NXN: variants seen among roughly 807,000 people sequenced by gnomAD.
NXN encodes nucleoredoxin 1.
In NXN, 16 loss-of-function variants were observed where a neutral mutation model predicts 48.6. The ratio of observed to expected loss-of-function variants is 0.33; its 90% confidence interval spans 0.22 to 0.50. NXN has a LOEUF of 0.50. Ranked by LOEUF, NXN falls within the 20% of genes least tolerant of loss-of-function variation. NXN has a pLI of 0.98. For missense variants in NXN, 492 were observed against 605.5 expected (o/e 0.81, Z 1.97); for synonymous variants, 281 against 269.6 (o/e 1.04, Z -0.41).
rs768904998 is a variant in NXN, at chr17:819,545, C to G, written c.714G>C (p.Arg238Ser). The G allele has an allele frequency of 6.3e-7, 1 of 1,590,056 alleles. No homozygotes were observed. The highest frequency in any genetic ancestry group is 8.6e-7 in the Non-Finnish European group (1 of 1,165,120). ...AGTACTGTTTGAAGGACTCCTCCGA[C>G]CTACAGAGAGACACACGTGGCGGGC... ...NFEIIFVSAD[R>S]SEESFKQYFS... Residue 238 changes from arginine to serine, a missense_variant and splice_region_variant, in exon 5 of 8, where the codon AGG (arginine) becomes AGC (serine). Arg to Ser is a moderately radical substitution (Grantham distance 110, BLOSUM62 -1). Coordinates refer to ENST00000336868, the MANE Select transcript of NXN (RefSeq NM_022463.5).
chr17:965,930 C>T (rs1187664328), intron 1 of NXN, among the ~76,000 whole-genome samples: 1 of 152,006 alleles, frequency 6.6e-6, no homozygotes, highest in Non-Finnish European at 1.5e-5. Context: ...GCCTGACCAA[C>T]ATGGTGGAAC....
intron 1 of NXN, among the ~76,000 whole-genome samples, chr17:935,535 G>A (rs1236433857): frequency 5.3e-5 from 8 of 152,144 alleles, no homozygotes; most frequent in Non-Finnish European, 1.2e-4. Context: ...CCAGCTTTAG[G>A]ATGTGCTGGC....
intron 1 of NXN, among the ~76,000 whole-genome samples, chr17:939,538 G>A (rs1175123730): frequency 6.6e-6 from 1 of 152,102 alleles, no homozygotes; most frequent in Non-Finnish European, 1.5e-5. Flanking sequence ...TAGAGATGGG[G>A]TTTCACCATG....
chr17:910,587 A>G (rs769986834), intron 1 of NXN: 2 of 152,162 alleles, frequency 1.3e-5, no homozygotes, highest in Non-Finnish European at 2.9e-5. Flanking sequence ...CTTGCTACAA[A>G]TGCTCAGAAC....
chr17:816,247 G>T (rs1021287824), intron 5 of NXN, among the ~76,000 whole-genome samples: 1 of 152,122 alleles, frequency 6.6e-6, no homozygotes, highest in Non-Finnish European at 1.5e-5. Flanking sequence ...TTCTGGGGAC[G>T]AAGACCTGAA....
At chr17:861,779 AG>A (rs1385902951) in intron 1 of NXN, among the ~76,000 whole-genome samples, 1 of 151,746 alleles carries the variant, frequency 6.6e-6, no homozygotes, top group Admixed American at 6.6e-5. Flanking sequence ...TTAATCCATG[AG>A]TCTGAAATGA....
chr17:912,207 G>A lies in NXN; in HGVS notation c.360+67112C>T, dbSNP rs8064353. ...CCCTCCTCAGCCTCCCAAAGTGCTG[G>A]GCTTATAAGCGTGAGCCACCACACC... is the stretch of plus-strand genomic sequence containing the variant. On this transcript the variant is annotated intron_variant, in intron 1 of 7. Coordinates refer to ENST00000336868, the MANE Select transcript of NXN (RefSeq NM_022463.5). 3.2e-3 allele frequency among the ~76,000 whole-genome samples: 491 copies of A among 151,978 alleles called. 2 individuals carry two copies. The highest frequency in any genetic ancestry group is 0.011 in the African/African-American group (462 of 41,470).
intron 5 of NXN, chr17:818,980 T>G: frequency 4.0e-6 from 1 of 249,942 alleles, no homozygotes; most frequent in Admixed American, 5.2e-5. Context: ...AGAGTCTCCC[T>G]CTGTTGCCCA....
intron 1 of NXN, among the ~76,000 whole-genome samples, chr17:924,505 A>G (rs8079231): frequency 0.19 from 29,367 of 152,246 alleles, 5,040 homozygotes; most frequent in African/African-American, 0.46. Flanking sequence ...CCGAAGTGCT[A>G]GGATTACAGG....
At chr17:959,963 G>C (rs763783522) in intron 1 of NXN, among the ~76,000 whole-genome samples, 2 of 152,042 alleles carry the variant, frequency 1.3e-5, no homozygotes, top group Non-Finnish European at 1.5e-5. Flanking sequence ...ATGGTGGCAG[G>C]TGCCTGTAAT....
rs1023876440 is a variant in NXN, at chr17:959,490, T to C, written c.360+19829A>G. 13 of 54,614 alleles carry C rather than the reference T, an allele frequency of 2.4e-4. No homozygotes were observed. The South Asian group carries it at 5.5e-3, about 23-fold the overall frequency. The allele number at this position is 54,614 out of a possible 1,614,324, so 3.4% of individuals were successfully genotyped here. A position where few individuals can be genotyped will look rare whatever the true frequency, so the allele number is the denominator to read the frequency against. On this transcript the variant is annotated intron_variant, in intron 1 of 7. Coordinates refer to ENST00000336868, the MANE Select transcript of NXN (RefSeq NM_022463.5). ...CCGGCCCAATAAAGGACTTCAGAAGTGAGAAAAAAAAAAAAGGTGAAATAG... is the reference window on the plus strand; with the variant it reads ...CCGGCCCAATAAAGGACTTCAGAAGCGAGAAAAAAAAAAAAGGTGAAATAG...
chr17:812,623 T>C (rs1248160935), intron 5 of NXN, among the ~76,000 whole-genome samples: 1 of 150,958 alleles, frequency 6.6e-6, no homozygotes, highest in Non-Finnish European at 1.5e-5. Flanking sequence ...TGAGTGTAGG[T>C]GAGTGTAGGT....
intron 1 of NXN, among the ~76,000 whole-genome samples, chr17:896,566 C>T (rs897069404): frequency 1.1e-4 from 16 of 152,212 alleles, no homozygotes; most frequent in African/African-American, 3.6e-4. Flanking sequence ...CCTGTTGCCT[C>T]GCACACCGTA....
At chr17:979,022 A>AG (rs1032131676) in intron 1 of NXN, among the ~76,000 whole-genome samples, 2 of 138,564 alleles carry the variant, frequency 1.4e-5, no homozygotes, top group African/African-American at 2.8e-5. Flanking sequence ...CCGGGGGCCG[A>AG]GGGGGGTCCA....
intron 1 of NXN, among the ~76,000 whole-genome samples, chr17:979,042 G>A (rs932130775): frequency 4.1e-5 from 6 of 146,678 alleles, no homozygotes; most frequent in Non-Finnish European, 7.5e-5. Context: ...AACTTTCCAG[G>A]GCGGGCGCAG....
At chr17:831,004 A>G (rs1913428891) in intron 1 of NXN, among the ~76,000 whole-genome samples, 1 of 151,402 alleles carries the variant, frequency 6.6e-6, no homozygotes, top group Non-Finnish European at 1.5e-5. Flanking sequence ...CCGTCTCAAA[A>G]AAAAAAAAAA....
chr17:869,802 T>TCC (rs2068132406), intron 1 of NXN, among the ~76,000 whole-genome samples: 1 of 152,246 alleles, frequency 6.6e-6, no homozygotes, highest in Non-Finnish European at 1.5e-5. Flanking sequence ...AACAGCTACG[T>TCC]CCTGCCAATT....
intron 1 of NXN, among the ~76,000 whole-genome samples, chr17:892,046 G>A (rs1200618765): frequency 1.6e-4 from 24 of 146,294 alleles, no homozygotes; most frequent in African/African-American, 5.7e-4. Flanking sequence ...CAACCCAACA[G>A]GGAACCTAAA....
At chr17:808,205 C>A (rs1003701269) in intron 5 of NXN, among the ~76,000 whole-genome samples, 1 of 152,168 alleles carries the variant, frequency 6.6e-6, no homozygotes, top group Non-Finnish European at 1.5e-5. Context: ...TCCCTCTGCT[C>A]CTGGGGGAGA....
Sources: allele counts gnomAD v4.1 joint callset (sites outside exome capture counted in the v4.1 genomes callset), GRCh38; gene constraint gnomAD v4.1.1; transcripts MANE v1.5; gene names NCBI Gene and HGNC (gene_info 2026-07-23, HGNC 2026-07-21).